The following DAP variants were observed in gnomAD, a reference collection of about 807,000 sequenced individuals.
DAP encodes the protein death-associated protein 1.
In DAP, 8 loss-of-function variants were observed where a neutral mutation model predicts 13.8. The observed-to-expected ratio is 0.58, with a 90% CI of 0.34 to 1.05. The LOEUF (loss-of-function observed/expected upper bound fraction) is 1.05. Among genes scored for constraint, DAP ranks in the 50% least tolerant of loss-of-function variants. DAP has a pLI of 0.03. For synonymous variants in DAP, 47 were observed against 47.5 expected (o/e 0.99, Z 0.04); for missense variants, 106 against 133.2 (o/e 0.80, Z 1.01).
At chr5:10,748,119 C>T (rs267944) in intron 2 of DAP, 56 bp downstream of exon 2, 1,157,080 of 1,226,840 alleles carry the variant, frequency 0.94, 548,317 homozygotes, top group Non-Finnish European at 0.97. Context: ...AATGTTAATG[C>T]TTAACCGAAT....
At chr5:10,681,965 C>T (rs574335633) in intron 3 of DAP, among the ~76,000 whole-genome samples, 14 of 151,254 alleles carry the variant, frequency 9.3e-5, no homozygotes, top group South Asian at 4.2e-4. Flanking sequence ...CCACCAGCGT[C>T]GCTGTAGGAA....
chr5:10,730,092 T>G (rs1014967960), intron 2 of DAP, among the ~76,000 whole-genome samples: 2 of 152,266 alleles, frequency 1.3e-5, no homozygotes, highest in African/African-American at 4.8e-5. Flanking sequence ...GTGCTTTCTT[T>G]GCAGCATTGC....
chr5:10,744,332 C>T (rs1739845788), intron 2 of DAP, among the ~76,000 whole-genome samples: 1 of 152,216 alleles, frequency 6.6e-6, no homozygotes. Flanking sequence ...AGGAAAGTCA[C>T]ATGCTATAAG....
At chr5:10,714,647 T>A (rs267983) in intron 2 of DAP, among the ~76,000 whole-genome samples, 141,618 of 152,212 alleles carry the variant, frequency 0.93, 66,181 homozygotes, top group Non-Finnish European at 0.97. Context: ...GTCCCACCAA[T>A]TCTCATGGTG....
intron 2 of DAP, among the ~76,000 whole-genome samples, chr5:10,698,282 CAA>C (rs71613386): frequency 0.013 from 540 of 42,758 alleles, 1 homozygote; most frequent in African/African-American, 0.04. Flanking sequence ...CCAGACTTAG[CAA>C]AAAAAAAAAA....
chr5:10,714,252 T>A (rs267984), intron 2 of DAP, among the ~76,000 whole-genome samples: 77,807 of 152,080 alleles, frequency 0.51, 21,982 homozygotes, highest in Non-Finnish European at 0.64. Context: ...TCCACTGACA[T>A]CTGACTGATA....
chr5:10,698,310 G>C (rs1284136969), intron 2 of DAP, among the ~76,000 whole-genome samples: 4 of 128,260 alleles, frequency 3.1e-5, no homozygotes, highest in Non-Finnish European at 6.5e-5. Context: ...AAAAAAAAGA[G>C]AGCAAGGTCA....
intron 1 of DAP, among the ~76,000 whole-genome samples, chr5:10,754,176 G>A (rs1303337313): frequency 6.6e-6 from 1 of 152,168 alleles, no homozygotes; most frequent in East Asian, 1.9e-4. Flanking sequence ...CCTAAAAAGT[G>A]GAGAGGATAA....
At chr5:10,699,134 A>C (rs1013177195) in intron 2 of DAP, among the ~76,000 whole-genome samples, 1 of 152,210 alleles carries the variant, frequency 6.6e-6, no homozygotes, top group Admixed American at 6.5e-5. Context: ...CTAAGGATCT[A>C]TATTGGAAGA....
intron 2 of DAP, among the ~76,000 whole-genome samples, chr5:10,703,068 C>T (rs1369917816): frequency 6.6e-6 from 1 of 152,156 alleles, no homozygotes; most frequent in Non-Finnish European, 1.5e-5. Context: ...TGGGTTTAGT[C>T]ATCTGCAAGT....
At chr5:10,729,464 C>T (rs1739382158) in intron 2 of DAP, among the ~76,000 whole-genome samples, 1 of 152,228 alleles carries the variant, frequency 6.6e-6, no homozygotes, top group Non-Finnish European at 1.5e-5. Flanking sequence ...CCCTAAATTT[C>T]ATTATCACTC....
At chr5:10,701,102 G>C (rs143104871) in intron 2 of DAP, among the ~76,000 whole-genome samples, 126 of 152,362 alleles carry the variant, frequency 8.3e-4, no homozygotes, top group African/African-American at 3.0e-3. Flanking sequence ...ATGGCATCTG[G>C]CTGGGGCATC....
intron 1 of DAP, among the ~76,000 whole-genome samples, chr5:10,751,013 A>C (rs1360695916): frequency 5.9e-5 from 9 of 152,188 alleles, no homozygotes; most frequent in Non-Finnish European, 1.5e-5. Flanking sequence ...ACAAATTCTC[A>C]AGGAGACCTC....
At chr5:10,717,721 C>T (rs1035595649) in intron 2 of DAP, among the ~76,000 whole-genome samples, 4 of 152,156 alleles carry the variant, frequency 2.6e-5, no homozygotes, top group Admixed American at 6.5e-5. Context: ...TGGCAGCACT[C>T]GACCATCAAA....
Position 10,680,746 on chromosome 5 carries a change from G to T in DAP, c.*310C>A. On this transcript the variant is annotated 3_prime_UTR_variant, in exon 4 of 4. Coordinates refer to ENST00000230895, the MANE Select transcript of DAP (RefSeq NM_004394.3). ...TCTTGTTTTTAAGACCATAGACAAG[G>T]ACGTCAGGTGACTGCTGAAATAGAA... The T allele has an allele frequency of 1.3e-6, 2 of 1,536,384 alleles. No individual in the cohort carries two copies.
At chr5:10,683,747 CCTT>C (rs1738090661) in intron 2 of DAP, among the ~76,000 whole-genome samples, 176 bp from the exon 3 acceptor site, 2 of 152,206 alleles carry the variant, frequency 1.3e-5, no homozygotes, top group Non-Finnish European at 1.5e-5. Context: ...TCGGGAGCCT[CCTT>C]CTCCTGAGGC....
chr5:10,706,534 G>C (rs1738702223), intron 2 of DAP, among the ~76,000 whole-genome samples: 1 of 152,130 alleles, frequency 6.6e-6, no homozygotes, highest in African/African-American at 2.4e-5. Flanking sequence ...ATATGGCTTG[G>C]GCACAATCTT....
intron 1 of DAP, among the ~76,000 whole-genome samples, chr5:10,758,778 C>G (rs1318950438): frequency 6.6e-6 from 1 of 152,216 alleles, no homozygotes; most frequent in Non-Finnish European, 1.5e-5. Context: ...AAATAAGCTG[C>G]CTCTTCCCTC....
chr5:10,738,140 G>A (rs1318883768), intron 2 of DAP, among the ~76,000 whole-genome samples: 14 of 152,226 alleles, frequency 9.2e-5, no homozygotes, highest in Non-Finnish European at 2.1e-4. Flanking sequence ...CCAGAACTGA[G>A]ATGACAAATG....
Sources: gnomAD v4.1 joint callset for allele counts (sites outside exome capture counted in the v4.1 genomes callset) on GRCh38, gnomAD v4.1.1 for gene constraint, MANE v1.5 for transcripts, NCBI Gene and HGNC (gene_info 2026-07-23, HGNC 2026-07-21) for gene names.